Variants in CHODL observed in about 807,000 individuals in gnomAD.
CHODL encodes the protein chondrolectin.
Under a neutral mutation model 34.5 loss-of-function variants are expected in CHODL, and 29 were observed. The ratio of observed to expected loss-of-function variants is 0.84; its 90% CI spans 0.63 to 1.15. The LOEUF (loss-of-function observed/expected upper bound fraction) is 1.15, where lower values mean the gene tolerates loss of function less well. Ranked by LOEUF, CHODL falls within the 50% of genes most tolerant of loss-of-function variation. The pLI is 0.00. For synonymous variants in CHODL, 125 were observed against 116.1 expected, an observed-to-expected ratio of 1.08 and a Z score of -0.49; for missense variants, 332 against 332.5, an observed-to-expected ratio of 1.00 and a Z score of 0.01.
intron 2 of CHODL, among the ~76,000 whole-genome samples, chr21:18,076,896 A>G (rs1240258394): frequency 6.6e-6 from 1 of 152,200 alleles, no homozygotes; most frequent in Admixed American, 6.5e-5. Flanking sequence ...GTCTCCAGAC[A>G]GAGGAACAGA....
chr21:18,251,736 A>AATATATAAAATAAATATTTATT (rs1175887362), intron 1 of CHODL, among the ~76,000 whole-genome samples: 1 of 113,628 alleles, frequency 8.8e-6, no homozygotes, highest in African/African-American at 3.1e-5. Context: ...TATTTATTTT[A>AATATATAAAATAAATATTTATT]TTTATTTTAT....
chr21:18,038,273 T>C (rs891136042), intron 2 of CHODL, among the ~76,000 whole-genome samples: 2 of 151,688 alleles, frequency 1.3e-5, no homozygotes, highest in Non-Finnish European at 3.0e-5. Context: ...TAGAAAGACA[T>C]TCCCAATGTA....
At chr21:18,200,268 A>G (rs1046421105) in intron 2 of CHODL, among the ~76,000 whole-genome samples, 5 of 152,190 alleles carry the variant, frequency 3.3e-5, no homozygotes, top group Admixed American at 1.3e-4. Flanking sequence ...AATTGTAGAC[A>G]TAGTTATATC....
At chr21:18,119,797 T>TCAAG (rs1049655616) in intron 2 of CHODL, among the ~76,000 whole-genome samples, 73 of 152,220 alleles carry the variant, frequency 4.8e-4, no homozygotes, top group African/African-American at 1.6e-3. Flanking sequence ...GGAAGGAACC[T>TCAAG]CAAGAATCAT....
intron 2 of CHODL, among the ~76,000 whole-genome samples, chr21:18,208,532 T>C (rs1429343585): frequency 6.6e-6 from 1 of 152,262 alleles, no homozygotes; most frequent in East Asian, 1.9e-4. Flanking sequence ...ATGGATGATC[T>C]TGATGCTTGT....
At chr21:17,967,276 T>A (rs1001465743) in intron 1 of CHODL, among the ~76,000 whole-genome samples, 11 of 152,264 alleles carry the variant, frequency 7.2e-5, no homozygotes, top group Admixed American at 6.5e-4. Context: ...GTCAAAAAAT[T>A]GGACTTGGAC....
chr21:18,227,752 T>A (rs1434236337), intron 2 of CHODL, among the ~76,000 whole-genome samples: 1 of 152,152 alleles, frequency 6.6e-6, no homozygotes, highest in Non-Finnish European at 1.5e-5. Context: ...GTATAAAACA[T>A]TTAATAAATT....
intron 2 of CHODL, among the ~76,000 whole-genome samples, chr21:18,094,814 C>T (rs369303378): frequency 1.4e-4 from 21 of 146,708 alleles, no homozygotes; most frequent in African/African-American, 4.2e-4. Context: ...GGGAACCAAA[C>T]ACAAAATTAG....
Position 17,921,076 on chromosome 21 carries a change from A to G in CHODL, c.-145+3676A>G, listed in dbSNP as rs569374498. On this transcript the variant is annotated intron_variant, in intron 1 of 6. Transcript: ENST00000400127. ...GAAACAGGACCAATAGGATGGATGG[A>G]TAGATAGATAGACAGAAACAGATTT... Among the ~76,000 whole-genome samples, 5 of 152,298 alleles carry G rather than the reference A, an allele frequency of 3.3e-5. No homozygotes were observed. In the South Asian group the frequency reaches 1.0e-3, roughly 32 times the overall value.
At chr21:18,020,286 A>G (rs2064115972) in intron 1 of CHODL, among the ~76,000 whole-genome samples, 1 of 152,184 alleles carries the variant, frequency 6.6e-6, no homozygotes, top group Non-Finnish European at 1.5e-5. Context: ...GCATCAGTTT[A>G]ATTAAATTAA....
intron 2 of CHODL, among the ~76,000 whole-genome samples, chr21:18,231,360 T>C (rs2073977106): frequency 6.6e-6 from 1 of 152,118 alleles, no homozygotes; most frequent in Non-Finnish European, 1.5e-5. Flanking sequence ...ATTATTTCCA[T>C]GATTGCCAGC....
rs140360243 is a variant in CHODL, at chr21:18,245,485, G to T, written c.79+183G>T. Reference sequence around the variant, plus strand: ...CCTCCCTCTCTTCTCTAACACACACGCAGAAAAGTTTAAATTTTTGTGAAG... The same window carrying T: ...CCTCCCTCTCTTCTCTAACACACACTCAGAAAAGTTTAAATTTTTGTGAAG... On this transcript the variant is annotated intron_variant, in intron 1 of 5. Coordinates refer to ENST00000299295, the MANE Select transcript of CHODL (RefSeq NM_024944.3). 3.6e-3 allele frequency among the ~76,000 whole-genome samples: 543 copies of T among 152,312 alleles called. 3 individuals are homozygous for T. Among genetic ancestry groups the T allele is most frequent in the African/African-American group, 0.012 (496 of 41,560 alleles).
Position 18,227,348 on chromosome 21 carries a change from C to G in CHODL, c.-44-29161C>G, listed in dbSNP as rs566414015. ...ATAAGTTTTAACATAAATAGCTCTGCTATGAAACCAAGATTCTAAACATAA... is the reference window on the plus strand; with the variant it reads ...ATAAGTTTTAACATAAATAGCTCTGGTATGAAACCAAGATTCTAAACATAA... On this transcript the variant is annotated intron_variant, in intron 2 of 6. Coordinates refer to the CHODL transcript ENST00000400127. 2.0e-5 allele frequency among the ~76,000 whole-genome samples: 3 copies of G among 152,244 alleles called. No individual in the cohort carries two copies. The South Asian group carries it at 6.2e-4, about 32-fold the overall frequency.
At chr21:18,209,092 A>G (rs2073746054) in intron 2 of CHODL, among the ~76,000 whole-genome samples, 1 of 152,130 alleles carries the variant, frequency 6.6e-6, no homozygotes, top group Non-Finnish European at 1.5e-5. Context: ...CCAGGCTTGT[A>G]TTCTTTTCTT....
intron 2 of CHODL, among the ~76,000 whole-genome samples, chr21:18,158,144 A>T (rs2073056020): frequency 6.7e-6 from 1 of 148,340 alleles, no homozygotes. Flanking sequence ...AGCTGTTTTG[A>T]GTAGTTGTAG....
chr21:18,266,757 T>TATA lies in CHODL; in HGVS notation c.*722_*724dup, dbSNP rs1555887978. The TATA allele has an allele frequency of 6.5e-6, 1 of 152,730 alleles. No individual in the cohort carries two copies. The highest frequency in any genetic ancestry group is 1.5e-5 in the Non-Finnish European group (1 of 68,104). The allele number at this position is 152,730 out of a possible 1,614,324, so 9.5% of individuals were successfully genotyped here. On this transcript the variant is annotated 3_prime_UTR_variant, in exon 6 of 6. Transcript: ENST00000299295. ...TTTCAATTGTGCAAGACATGTGCCT[T>TATA]ATAATTATTTTTAGCTTAAAATTAA...
intron 2 of CHODL, 64 bp from the exon 3 acceptor site, chr21:18,256,906 G>C: frequency 6.3e-7 from 1 of 1,586,748 alleles, no homozygotes; most frequent in Non-Finnish European, 8.6e-7. Context: ...GGATGTCAGA[G>C]TAGGACAGGC....
At chr21:18,138,117 A>AT (rs139334703) in intron 2 of CHODL, among the ~76,000 whole-genome samples, 11,828 of 150,976 alleles carry the variant, frequency 0.078, 1,473 homozygotes, top group African/African-American at 0.27. Context: ...TTAAAACATT[A>AT]TTTTTTATGT....
At chr21:18,191,118 A>G (rs777164294) in intron 2 of CHODL, among the ~76,000 whole-genome samples, 8 of 152,190 alleles carry the variant, frequency 5.3e-5, no homozygotes, top group Non-Finnish European at 1.0e-4. Flanking sequence ...GTACAAAATT[A>G]TCAACTTCAT....
Sources: gnomAD v4.1 joint callset for allele counts (sites outside exome capture counted in the v4.1 genomes callset) on GRCh38, gnomAD v4.1.1 for gene constraint, MANE v1.5 for transcripts, NCBI Gene and HGNC (gene_info 2026-07-23, HGNC 2026-07-21) for gene names.